GPC6: variants seen among roughly 807,000 people sequenced by gnomAD.
GPC6 encodes the protein glypican-6.
Under a neutral mutation model 55.2 loss-of-function variants are expected in GPC6, and 14 were observed. The observed-to-expected ratio is 0.25, with a 90% CI of 0.17 to 0.40. GPC6 has a LOEUF of 0.40. Ranked by LOEUF, GPC6 falls within the 10% of genes least tolerant of loss-of-function variation. GPC6 has a pLI of 1.00. For missense variants in GPC6, 641 were observed against 708.5 expected (o/e 0.90, Z 1.08); for synonymous variants, 278 against 259.6 (o/e 1.07, Z -0.68).
intron 2 of GPC6, among the ~76,000 whole-genome samples, chr13:93,577,291 A>T (rs1370699199): frequency 2.6e-5 from 4 of 152,134 alleles, no homozygotes; most frequent in Non-Finnish European, 4.4e-5. Context: ...TGTGGGTAAG[A>T]GGAAGTTGGA....
At chr13:93,555,534 G>A (rs899623070) in intron 2 of GPC6, among the ~76,000 whole-genome samples, 1 of 152,090 alleles carries the variant, frequency 6.6e-6, no homozygotes, top group Admixed American at 6.6e-5. Context: ...TTAACTCTTA[G>A]GGTCCATAAA....
intron 1 of GPC6, among the ~76,000 whole-genome samples, chr13:93,349,027 G>A (rs1249051331): frequency 6.6e-6 from 1 of 152,154 alleles, no homozygotes; most frequent in East Asian, 1.9e-4. Flanking sequence ...GACTGTGTCT[G>A]AGTCCTTGAA....
intron 1 of GPC6, among the ~76,000 whole-genome samples, chr13:93,454,101 C>A (rs1008233324): frequency 6.6e-6 from 1 of 152,052 alleles, no homozygotes; most frequent in African/African-American, 2.4e-5. Context: ...AAGGCCCCAC[C>A]AGAGTAGCTA....
At chr13:93,732,546 A>G (rs929018631) in intron 2 of GPC6, among the ~76,000 whole-genome samples, 5 of 152,200 alleles carry the variant, frequency 3.3e-5, no homozygotes, top group Admixed American at 6.6e-5. Flanking sequence ...TGTTGGAGCA[A>G]TCAAACCAGT....
chr13:93,285,487 A>T (rs920703242), intron 1 of GPC6, among the ~76,000 whole-genome samples: 1 of 152,152 alleles, frequency 6.6e-6, no homozygotes, highest in Admixed American at 6.6e-5. Context: ...TAGACTACAA[A>T]TCATGGTTTT....
chr13:93,376,912 G>T (rs9524030), intron 1 of GPC6, among the ~76,000 whole-genome samples: 117,941 of 151,984 alleles, frequency 0.78, 47,878 homozygotes, highest in East Asian at 0.97. Flanking sequence ...GCTTATATTA[G>T]GAATTGCTGA....
chr13:93,567,072 A>G (rs1173683594), intron 2 of GPC6, among the ~76,000 whole-genome samples: 1 of 152,198 alleles, frequency 6.6e-6, no homozygotes, highest in Non-Finnish European at 1.5e-5. Flanking sequence ...TCCTTTGAGT[A>G]TATACCCAGT....
intron 2 of GPC6, among the ~76,000 whole-genome samples, chr13:93,718,157 C>G (rs1883319164): frequency 6.6e-6 from 1 of 151,910 alleles, no homozygotes; most frequent in Non-Finnish European, 1.5e-5. Context: ...AATGGTATTT[C>G]TAGTTCTAGA....
chr13:94,013,301 A>G lies in GPC6; in HGVS notation c.712-14428A>G, dbSNP rs530073480. Among the ~76,000 whole-genome samples the G allele has an allele frequency of 4.6e-5, 7 of 152,208 alleles. No individual in the cohort carries two copies. In the East Asian group the frequency reaches 1.4e-3, roughly 29 times the overall value. ...CAGTCTTTCACATGATTGATAACAT[A>G]CATTTACTAACTCCTATGGCGGTTT... On this transcript the variant is annotated intron_variant, in intron 3 of 8. Transcript: ENST00000377047.
intron 3 of GPC6, among the ~76,000 whole-genome samples, chr13:93,869,732 A>G (rs1566578256): frequency 6.6e-6 from 1 of 151,798 alleles, no homozygotes; most frequent in East Asian, 2.0e-4. Context: ...TTTTCCTAGC[A>G]TGTTTCTTAA....
chr13:93,790,500 A>C (rs1189128618), intron 2 of GPC6, among the ~76,000 whole-genome samples: 1 of 152,214 alleles, frequency 6.6e-6, no homozygotes, highest in Non-Finnish European at 1.5e-5. Flanking sequence ...TGGTAACATG[A>C]GGAAAAGCTC....
chr13:93,331,426 C>A (rs188386716), intron 1 of GPC6, among the ~76,000 whole-genome samples: 2 of 152,072 alleles, frequency 1.3e-5, no homozygotes, highest in Non-Finnish European at 2.9e-5. Flanking sequence ...TCTTAAGAAG[C>A]GTGGTAGAGT....
chr13:94,077,158 C>T (rs1418355472), intron 4 of GPC6, among the ~76,000 whole-genome samples: 1 of 151,750 alleles, frequency 6.6e-6, no homozygotes. Context: ...TAATTTCTTT[C>T]ATCAACATTT....
At chr13:93,976,444 T>G (rs1880520644) in intron 3 of GPC6, among the ~76,000 whole-genome samples, 1 of 151,818 alleles carries the variant, frequency 6.6e-6, no homozygotes, top group Admixed American at 6.6e-5. Flanking sequence ...AAATACACAT[T>G]TTTGCCTAAA....
At chr13:94,386,383 G>GA (rs1169347350) in intron 7 of GPC6, among the ~76,000 whole-genome samples, 4 of 150,626 alleles carry the variant, frequency 2.7e-5, no homozygotes, top group African/African-American at 9.8e-5. Context: ...GAAAAGAAAA[G>GA]AAAGAAAGAC....
intron 3 of GPC6, among the ~76,000 whole-genome samples, chr13:93,930,468 A>C (rs1291956893): frequency 6.6e-6 from 1 of 151,708 alleles, no homozygotes; most frequent in Non-Finnish European, 1.5e-5. Flanking sequence ...TGGGGGTTTC[A>C]CCATGTTGGC....
intron 4 of GPC6, among the ~76,000 whole-genome samples, chr13:94,087,604 A>T (rs910621686): frequency 1.3e-5 from 2 of 152,226 alleles, no homozygotes; most frequent in African/African-American, 4.8e-5. Flanking sequence ...ATTGATAAAG[A>T]TAATGACTGC....
At chr13:94,182,001 C>T (rs970380313) in intron 4 of GPC6, among the ~76,000 whole-genome samples, 6 of 152,124 alleles carry the variant, frequency 3.9e-5, no homozygotes, top group Non-Finnish European at 7.3e-5. Flanking sequence ...TAGGAAGTGA[C>T]ATTAGGAGGG....
In GPC6 at chr13:94,405,211, G is replaced by C. The variant is rs1193937878; in HGVS notation, c.*1994G>C. 2.0e-5 allele frequency: 3 copies of C among 152,202 alleles called. No homozygotes were observed. Among genetic ancestry groups the C allele is most frequent in the Admixed American group, 2.0e-4 (3 of 15,282 alleles). The allele number at this position is 152,202 out of a possible 1,614,324, so 9.4% of individuals were successfully genotyped here. On this transcript the variant is annotated 3_prime_UTR_variant, in exon 9 of 9. Transcript: ENST00000377047. Reference sequence around the variant, plus strand: ...TGAAATATAAAATGTAGGATGATGAGAGACTTTGTGGCATTCTTTCATTTA... The same window carrying C: ...TGAAATATAAAATGTAGGATGATGACAGACTTTGTGGCATTCTTTCATTTA...
Sources: allele counts gnomAD v4.1 joint callset (sites outside exome capture counted in the v4.1 genomes callset), GRCh38; gene constraint gnomAD v4.1.1; transcripts MANE v1.5; gene names NCBI Gene and HGNC (gene_info 2026-07-23, HGNC 2026-07-21).